The following DAB2IP variants were observed in gnomAD, a reference collection of about 807,000 sequenced individuals.
DAB2IP encodes the protein DAB2 interacting protein, also known as disabled homolog 2-interacting protein.
A neutral mutation model predicts 107.2 loss-of-function variants in DAB2IP; 28 were observed. That is an observed-to-expected ratio of 0.26 (90% CI 0.19 to 0.36). The LOEUF is 0.36. DAB2IP is among the 10% of genes least tolerant of loss of function. The pLI, the probability that DAB2IP is intolerant of heterozygous loss-of-function variation, is 1.00. For missense variants in DAB2IP, 1,400 were observed against 1,644.7 expected, an observed-to-expected ratio of 0.85 and a Z score of 2.57; for synonymous variants, 755 against 706.4, an observed-to-expected ratio of 1.07 and a Z score of -1.09.
chr9:121,695,234 G>A (rs752161681), intron 2 of DAB2IP, among the ~76,000 whole-genome samples: 2 of 152,112 alleles, frequency 1.3e-5, no homozygotes, highest in African/African-American at 4.8e-5. Context: ...TCATGTCCCT[G>A]TCCCCCTGCC....
chr9:121,715,042 C>T (rs1372369114), intron 3 of DAB2IP, among the ~76,000 whole-genome samples: 1 of 152,264 alleles, frequency 6.6e-6, no homozygotes, highest in African/African-American at 2.4e-5. Context: ...GGTCATAGAA[C>T]CCTTAAATGG....
In DAB2IP at chr9:121,701,690, A is replaced by T. The variant is rs1829791937; in HGVS notation, c.362+2232A>T. Among the ~76,000 whole-genome samples the T allele has an allele frequency of 6.6e-6, 1 of 152,096 alleles. No homozygotes were observed. Among genetic ancestry groups the T allele is most frequent in the Admixed American group, 6.6e-5 (1 of 15,266 alleles). ...GGCTGCTGCTGGGATGGATGGGCAG[A>T]AATTTCTCTGGGGCTGTCCCTGGAG... is the stretch of plus-strand genomic sequence containing the variant. On this transcript the variant is annotated intron_variant, in intron 3 of 15. Transcript: ENST00000408936. This position sits in a 1 kb window ranked among gnomAD's most constrained non-coding sequence, Gnocchi z 4.7.
At chr9:121,577,615 A>G (rs956983812) in intron 1 of DAB2IP, among the ~76,000 whole-genome samples, 1 of 152,172 alleles carries the variant, frequency 6.6e-6, no homozygotes, top group African/African-American at 2.4e-5. Context: ...CAGGGACTGC[A>G]GGGACTGACA....
In DAB2IP at chr9:121,684,456, C is replaced by T. The variant is rs892209003; in HGVS notation, c.228+5675C>T. Among the ~76,000 whole-genome samples, 1 of 152,322 alleles carries T rather than the reference C, an allele frequency of 6.6e-6. No homozygotes were observed. The highest frequency in any genetic ancestry group is 1.9e-4 in the East Asian group (1 of 5,180). ...TGAGCTGAGCCCTTCTCCCAGCCCC[C>T]ATCACATTTCCTGGGAGGAATGGGT... On this transcript the variant is annotated intron_variant, in intron 2 of 15. Coordinates refer to ENST00000408936, the Ensembl canonical transcript of DAB2IP. This position sits in a 1 kb window ranked among gnomAD's most constrained non-coding sequence, Gnocchi z 4.0.
chr9:121,772,511 G>T lies in DAB2IP; in HGVS notation c.2079-96G>T. The stretch of plus-strand genomic sequence containing the variant: ...CGCTGGCTCAGGCTGCCAGGCCCCG[G>T]CAGGTTGGCGGGTGCTGTCGGTTTG... On this transcript the variant is annotated intron_variant, in intron 11 of 15. Transcript: ENST00000408936. This position sits in a 1 kb window ranked among gnomAD's most constrained non-coding sequence, Gnocchi z 4.7. 1 of 1,375,380 alleles carries T rather than the reference G, an allele frequency of 7.3e-7. No homozygotes were observed. The highest frequency in any genetic ancestry group is 1.0e-6 in the Non-Finnish European group (1 of 998,794). The allele number at this position is 1,375,380 out of a possible 1,614,324, so 85.2% of individuals were successfully genotyped here. A position where few individuals can be genotyped will look rare whatever the true frequency, so the allele number is the denominator to read the frequency against.
intron 1 of DAB2IP, among the ~76,000 whole-genome samples, chr9:121,601,970 G>A (rs1381143629): frequency 6.6e-6 from 1 of 151,792 alleles, no homozygotes; most frequent in Non-Finnish European, 1.5e-5. Context: ...AGCACCTAGA[G>A]CACCTGTTAA....
intron 3 of DAB2IP, among the ~76,000 whole-genome samples, chr9:121,748,749 A>G (rs1832891212): frequency 6.6e-6 from 1 of 152,214 alleles, no homozygotes; most frequent in Non-Finnish European, 1.5e-5. Flanking sequence ...ATTGGGCACC[A>G]CGGGACACCA....
chr9:121,620,507 AC>A (rs1831425019), intron 1 of DAB2IP, among the ~76,000 whole-genome samples: 1 of 152,180 alleles, frequency 6.6e-6, no homozygotes, highest in Admixed American at 6.5e-5. Context: ...AACAGTGCTA[AC>A]CCCAGTAGGT....
chr9:121,691,336 T>C (rs1190963997), intron 2 of DAB2IP, among the ~76,000 whole-genome samples: 1 of 151,988 alleles, frequency 6.6e-6, no homozygotes, highest in Non-Finnish European at 1.5e-5. Context: ...CGGGGAGGCC[T>C]CTAAGAGAAA....
chr9:121,618,666 T>C (rs1322375636), intron 1 of DAB2IP, among the ~76,000 whole-genome samples: 1 of 152,190 alleles, frequency 6.6e-6, no homozygotes, highest in African/African-American at 2.4e-5. Flanking sequence ...TGGATTTTTG[T>C]AGAAACATTT....
chr9:121,671,939 T>C (rs1001292611), intron 1 of DAB2IP, among the ~76,000 whole-genome samples: 1 of 152,222 alleles, frequency 6.6e-6, no homozygotes, highest in Non-Finnish European at 1.5e-5. Context: ...CTTGACTGGA[T>C]GAGTAGGAGG....
chr9:121,692,745 G>C (rs1222496538), intron 2 of DAB2IP, among the ~76,000 whole-genome samples: 2 of 152,222 alleles, frequency 1.3e-5, no homozygotes, highest in Non-Finnish European at 2.9e-5. Context: ...TCTTTCGCCT[G>C]TCACAGTGTC....
intron 1 of DAB2IP, among the ~76,000 whole-genome samples, chr9:121,611,418 G>A (rs1372403750): frequency 2.0e-5 from 3 of 152,146 alleles, no homozygotes; most frequent in Admixed American, 6.5e-5. Context: ...CTAAGGGTGT[G>A]TGTGTGGTCT....
At chr9:121,678,857 C>T in intron 2 of DAB2IP, 76 bp downstream of exon 2, 1 of 1,316,482 alleles carries the variant, frequency 7.6e-7, no homozygotes, top group Non-Finnish European at 1.0e-6. Context: ...CTCTGTGACC[C>T]CACGGCCCCC....
intron 3 of DAB2IP, among the ~76,000 whole-genome samples, chr9:121,714,953 C>T (rs1479157609): frequency 6.6e-6 from 1 of 152,240 alleles, no homozygotes; most frequent in Non-Finnish European, 1.5e-5. Flanking sequence ...CTTAACCCTC[C>T]AGCCATCCTA....
chr9:121,588,160 C>T (rs768236268), intron 1 of DAB2IP, among the ~76,000 whole-genome samples: 2 of 152,144 alleles, frequency 1.3e-5, no homozygotes, highest in Non-Finnish European at 2.9e-5. Flanking sequence ...AGCGGCAAAC[C>T]TTACTTCTGG....
chr9:121,579,608 A>G (rs975042654), intron 1 of DAB2IP, among the ~76,000 whole-genome samples: 2 of 151,694 alleles, frequency 1.3e-5, no homozygotes, highest in Non-Finnish European at 2.9e-5. Flanking sequence ...CATAGGCTCA[A>G]TACCCTCCTC....
At chr9:121,590,586 C>G (rs1011396844) in intron 1 of DAB2IP, among the ~76,000 whole-genome samples, 4 of 152,138 alleles carry the variant, frequency 2.6e-5, no homozygotes, top group African/African-American at 9.7e-5. Flanking sequence ...ATACTAGAAC[C>G]TTTTCAGAGG....
chr9:121,775,650 G>A (rs1354041302), intron 13 of DAB2IP, among the ~76,000 whole-genome samples: 2 of 152,180 alleles, frequency 1.3e-5, no homozygotes, highest in Non-Finnish European at 2.9e-5. Context: ...CAGATCCAGA[G>A]CCTGGACCAC....
Sources: gnomAD v4.1 joint callset for allele counts (sites outside exome capture counted in the v4.1 genomes callset) on GRCh38, gnomAD v4.1.1 for gene constraint, Gnocchi (gnomAD v3.1) non-coding constraint, MANE v1.5 for transcripts, NCBI Gene and HGNC (gene_info 2026-07-23, HGNC 2026-07-21) for gene names.